Variants in SAMSN1 observed in about 807,000 individuals in gnomAD.
SAMSN1 encodes SAM domain, SH3 domain and nuclear localization signals 1.
In SAMSN1, 31 loss-of-function variants were observed where a neutral mutation model predicts 42.0. That is an observed-to-expected ratio of 0.74 (90% confidence interval 0.55 to 1.00). The LOEUF (loss-of-function observed/expected upper bound fraction) is 1.00. Among genes scored for constraint, SAMSN1 ranks in the 50% least tolerant of loss-of-function variants. The pLI is 0.00. For synonymous variants in SAMSN1, 178 were observed against 151.9 expected, an observed-to-expected ratio of 1.17 and a Z score of -1.26; for missense variants, 464 against 439.4, an observed-to-expected ratio of 1.06 and a Z score of -0.50.
At chr21:14,626,826 A>G (rs966809300) in intron 2 of SAMSN1, among the ~76,000 whole-genome samples, 1 of 152,202 alleles carries the variant, frequency 6.6e-6, no homozygotes, top group African/African-American at 2.4e-5. Context: ...ACACATGCAC[A>G]CGTATGTTTA....
intron 3 of SAMSN1, among the ~76,000 whole-genome samples, chr21:14,614,772 A>C (rs1389761462): frequency 2.0e-5 from 3 of 152,214 alleles, no homozygotes; most frequent in Non-Finnish European, 4.4e-5. Flanking sequence ...AAAGTGATGT[A>C]GGTGTATAAT....
intron 2 of SAMSN1, among the ~76,000 whole-genome samples, chr21:14,573,406 G>C (rs956285892): frequency 2.0e-5 from 3 of 152,170 alleles, no homozygotes; most frequent in African/African-American, 7.2e-5. Context: ...CTGTAGCCCT[G>C]AAGTGAATTC....
chr21:14,531,715 C>A (rs1039208866), intron 1 of SAMSN1, among the ~76,000 whole-genome samples: 2 of 152,030 alleles, frequency 1.3e-5, no homozygotes, highest in Non-Finnish European at 2.9e-5. Flanking sequence ...CACCAAGAGG[C>A]AAACATTTAT....
At chr21:14,567,447 G>A (rs764781890) in intron 2 of SAMSN1, among the ~76,000 whole-genome samples, 6 of 152,126 alleles carry the variant, frequency 3.9e-5, no homozygotes, top group Non-Finnish European at 7.4e-5. Flanking sequence ...AAGTGAACTT[G>A]TGGTTTGTTA....
At chr21:14,645,382 A>G (rs1027679936) in intron 1 of SAMSN1, among the ~76,000 whole-genome samples, 1 of 152,262 alleles carries the variant, frequency 6.6e-6, no homozygotes, top group Non-Finnish European at 1.5e-5. Context: ...CTGGTCATCC[A>G]GGGAGTTCTC....
chr21:14,636,037 A>T (rs1311493836), intron 2 of SAMSN1, among the ~76,000 whole-genome samples: 1 of 151,878 alleles, frequency 6.6e-6, no homozygotes. Context: ...TTTAATTCCC[A>T]CCTATGAGTG....
chr21:14,512,575 T>C lies in SAMSN1; in HGVS notation c.280-2A>G. 6.2e-7 allele frequency: 1 copy of C among 1,613,758 alleles called. No homozygotes were observed. The highest frequency in any genetic ancestry group is 8.5e-7 in the Non-Finnish European group (1 of 1,179,694). ...GGCATTCTCTCCATCTTCCTCATCC[T>C]TCAGAAAACATATCAGAGGTTAGGT... On this transcript the variant is annotated splice_acceptor_variant, in intron 3 of 7. Transcript: ENST00000400566. LOFTEE classifies it high-confidence loss of function.
chr21:14,621,828 C>T (rs1983017678), intron 2 of SAMSN1, among the ~76,000 whole-genome samples: 1 of 152,222 alleles, frequency 6.6e-6, no homozygotes, highest in African/African-American at 2.4e-5. Context: ...ACTGCCCCCT[C>T]AAGGGGGTCC....
intron 1 of SAMSN1, among the ~76,000 whole-genome samples, chr21:14,645,845 G>C (rs539814253): frequency 3.9e-5 from 6 of 152,274 alleles, no homozygotes; most frequent in Admixed American, 2.0e-4. Context: ...CAGAAATCCT[G>C]GAACTGAAAA....
At chr21:14,646,048 G>C (rs1983707061) in intron 1 of SAMSN1, among the ~76,000 whole-genome samples, 1 of 152,298 alleles carries the variant, frequency 6.6e-6, no homozygotes, top group African/African-American at 2.4e-5. Flanking sequence ...AAATCTAAGA[G>C]TTATTGGCCT....
intron 5 of SAMSN1, among the ~76,000 whole-genome samples, chr21:14,607,246 G>A (rs1982592285): frequency 6.6e-6 from 1 of 152,114 alleles, no homozygotes; most frequent in Admixed American, 6.5e-5. Context: ...CTACTCTTAA[G>A]TAGTTATGCA....
chr21:14,637,022 T>C lies in SAMSN1; in HGVS notation c.156+5980A>G, dbSNP rs75887877. ...CCCTAAGTGAAGAGGAGAATTGATA[T>C]TATCTGGTTACTTTTATGCCTCTGC... On this transcript the variant is annotated intron_variant, in intron 2 of 15. Transcript: ENST00000647101. Among the ~76,000 whole-genome samples the C allele has an allele frequency of 9.4e-3, 1,431 of 152,320 alleles. 28 individuals are homozygous for C. The highest frequency in any genetic ancestry group is 0.033 in the African/African-American group (1,370 of 41,566).
At chr21:14,563,165 A>G (rs753921917) in intron 2 of SAMSN1, among the ~76,000 whole-genome samples, 140 of 43,928 alleles carry the variant, frequency 3.2e-3, no homozygotes, top group Non-Finnish European at 5.1e-3. Context: ...CAATGTCATC[A>G]TAACCTCCTG....
chr21:14,532,901 A>ATTATTTAT (rs150980572), intron 1 of SAMSN1, among the ~76,000 whole-genome samples: 36 of 151,432 alleles, frequency 2.4e-4, no homozygotes, highest in South Asian at 1.7e-3. Flanking sequence ...TATTACTTTT[A>ATTATTTAT]TTATTTATTT....
chr21:14,591,663 A>G (rs754560141), intron 7 of SAMSN1, among the ~76,000 whole-genome samples: 2 of 152,198 alleles, frequency 1.3e-5, no homozygotes, highest in Admixed American at 1.3e-4. Flanking sequence ...GAGTAGGGAG[A>G]AGAAATGTGC....
intron 7 of SAMSN1, among the ~76,000 whole-genome samples, chr21:14,589,029 T>C (rs1982006596): frequency 6.6e-6 from 1 of 152,206 alleles, no homozygotes; most frequent in Non-Finnish European, 1.5e-5. Flanking sequence ...AAATATCTTT[T>C]AGTTCATTTT....
intron 1 of SAMSN1, among the ~76,000 whole-genome samples, chr21:14,644,258 G>C (rs185568154): frequency 7.2e-5 from 11 of 152,154 alleles, no homozygotes; most frequent in African/African-American, 2.6e-4. Flanking sequence ...CTCCAAAAGA[G>C]ACCCCTTCCT....
intron 1 of SAMSN1, among the ~76,000 whole-genome samples, chr21:14,536,969 TCC>T (rs1979664724): frequency 6.6e-6 from 1 of 152,210 alleles, no homozygotes; most frequent in East Asian, 1.9e-4. Context: ...ACCACAGTTA[TCC>T]CTTGCCTGGT....
chr21:14,649,769 C>G (rs1329089927), intron 1 of SAMSN1, among the ~76,000 whole-genome samples: 2 of 85,312 alleles, frequency 2.3e-5, no homozygotes. Flanking sequence ...GACACTGTCT[C>G]AAAACACACA....
Sources: gnomAD v4.1 joint callset for allele counts (sites outside exome capture counted in the v4.1 genomes callset) on GRCh38, gnomAD v4.1.1 for gene constraint, MANE v1.5 for transcripts, NCBI Gene and HGNC (gene_info 2026-07-23, HGNC 2026-07-21) for gene names.